NOL4L: variants seen among roughly 807,000 people sequenced by gnomAD.
NOL4L encodes nucleolar protein 4-like.
NOL4L carries 7 observed loss-of-function variants against 64.5 expected under a neutral mutation model. The observed-to-expected ratio is 0.11, with a 90% CI of 0.06 to 0.20. The LOEUF (loss-of-function observed/expected upper bound fraction) is 0.20, where lower values mean the gene tolerates loss of function less well. Among genes scored for constraint, NOL4L ranks in the 10% least tolerant of loss-of-function variants. NOL4L has a pLI of 1.00. For missense variants in NOL4L, 680 were observed against 967.1 expected, an observed-to-expected ratio of 0.70 and a Z score of 3.94; for synonymous variants, 413 against 401.0, an observed-to-expected ratio of 1.03 and a Z score of -0.36.
chr20:32,534,179 A>G (rs1042833949), intron 1 of NOL4L, among the ~76,000 whole-genome samples: 1 of 152,224 alleles, frequency 6.6e-6, no homozygotes, highest in Non-Finnish European at 1.5e-5. Flanking sequence ...GCGGCTAAAT[A>G]GCGGAGACAT....
chr20:32,511,333 G>A lies in NOL4L; in HGVS notation c.699+14C>T. On this transcript the variant is annotated intron_variant, in intron 4 of 10. Transcript: ENST00000621426. ...GACGCCTCCAGGTGGGGTGAGGGGAGACGGCCGCCTTACCTGCTCCTGGGA... is the reference window on the plus strand; with the variant it reads ...GACGCCTCCAGGTGGGGTGAGGGGAAACGGCCGCCTTACCTGCTCCTGGGA... 3.3e-6 allele frequency: 5 copies of A among 1,532,972 alleles called. No homozygotes were observed. The highest frequency in any genetic ancestry group is 3.5e-6 in the Non-Finnish European group (4 of 1,131,668). 95.0% of individuals were successfully genotyped at this position (1,532,972 alleles called of 1,614,324 possible).
chr20:32,552,683 G>A (rs770128198), intron 1 of NOL4L, among the ~76,000 whole-genome samples: 11 of 151,332 alleles, frequency 7.3e-5, no homozygotes, highest in Non-Finnish European at 1.3e-4. Context: ...GAGAGACTCC[G>A]TCTCAAAACA....
At chr20:32,573,445 G>T (rs999535033) in intron 1 of NOL4L, among the ~76,000 whole-genome samples, 1 of 152,022 alleles carries the variant, frequency 6.6e-6, no homozygotes, top group African/African-American at 2.4e-5. Flanking sequence ...AGACCCACTC[G>T]GTGGCACTGC....
chr20:32,488,827 TTTTC>T (rs1175303976), intron 4 of NOL4L, among the ~76,000 whole-genome samples: 620 of 33,058 alleles, frequency 0.019, 13 homozygotes, highest in Non-Finnish European at 0.024. Context: ...CTTTCTTTCT[TTTTC>T]TTTCTTTCTT....
At chr20:32,516,411 C>A (rs1395791231) in intron 3 of NOL4L, among the ~76,000 whole-genome samples, 1 of 152,074 alleles carries the variant, frequency 6.6e-6, no homozygotes, top group Non-Finnish European at 1.5e-5. Flanking sequence ...TCCCCAGGCT[C>A]AGGAAACAAG....
intron 4 of NOL4L, among the ~76,000 whole-genome samples, chr20:32,506,662 CAAAT>C (rs1044730750): frequency 2.0e-5 from 3 of 152,044 alleles, no homozygotes; most frequent in Admixed American, 6.6e-5. Context: ...ACTCCATCTC[CAAAT>C]AAATAAATAA....
At chr20:32,488,809 CTTTCTTTCTTTCTTTCTT>C (rs1475866229) in intron 4 of NOL4L, among the ~76,000 whole-genome samples, 1,310 of 25,366 alleles carry the variant, frequency 0.052, 85 homozygotes, top group Middle Eastern at 0.11. Context: ...CTTTCTTTTT[CTTTCTTTCTTTCTTTCTT>C]TTTCTTTCTT....
At chr20:32,514,122 G>A (rs2017540095) in intron 3 of NOL4L, among the ~76,000 whole-genome samples, 1 of 152,178 alleles carries the variant, frequency 6.6e-6, no homozygotes, top group South Asian at 2.1e-4. Flanking sequence ...AGTTTTACAG[G>A]AATGCAGAAC....
At chr20:32,472,417 G>A (rs2015089611) in intron 5 of NOL4L, among the ~76,000 whole-genome samples, 1 of 152,204 alleles carries the variant, frequency 6.6e-6, no homozygotes, top group African/African-American at 2.4e-5. Context: ...CTCGGGCGGG[G>A]AGTGGAGCAC....
Position 32,447,225 on chromosome 20 carries a change from TGCTCACC to T in NOL4L, c.*364_*370del. On this transcript the variant is annotated 3_prime_UTR_variant, in exon 11 of 11. Transcript: ENST00000621426. ...GCTTTTCTCAATAAATATGCAATTC[TGCTCACC>T]TAAGACTTGAAAGGTAATTATCTGG... 2.0e-6 allele frequency: 1 copy of T among 493,766 alleles called. No individual in the cohort carries two copies. Among genetic ancestry groups the T allele is most frequent in the Non-Finnish European group, 4.0e-6 (1 of 252,322 alleles). The allele number at this position is 493,766 out of a possible 1,614,324, so 30.6% of individuals were successfully genotyped here. A position where few individuals can be genotyped will look rare whatever the true frequency, so the allele number is the denominator to read the frequency against.
chr20:32,482,074 TCA>T (rs2015761804), intron 4 of NOL4L, among the ~76,000 whole-genome samples: 1 of 151,498 alleles, frequency 6.6e-6, no homozygotes, highest in Non-Finnish European at 1.5e-5. Context: ...GAGGAGGAAA[TCA>T]CAGAGTCCAA....
At chr20:32,473,259 G>A (rs945918664) in intron 5 of NOL4L, among the ~76,000 whole-genome samples, 2 of 152,156 alleles carry the variant, frequency 1.3e-5, no homozygotes, top group South Asian at 2.1e-4. Flanking sequence ...TGCAGGCACC[G>A]CCCTCAGTGT....
chr20:32,529,579 G>A (rs1461963458), intron 1 of NOL4L, among the ~76,000 whole-genome samples: 2 of 152,192 alleles, frequency 1.3e-5, no homozygotes, highest in Non-Finnish European at 1.5e-5. Context: ...CACCATGATG[G>A]CCGAACAGCA....
chr20:32,543,583 C>T (rs1197915570), intron 1 of NOL4L, among the ~76,000 whole-genome samples: 1 of 151,418 alleles, frequency 6.6e-6, no homozygotes, highest in Non-Finnish European at 1.5e-5. Flanking sequence ...CGTGCCATTG[C>T]ACTCTAGCCT....
At chr20:32,556,297 G>A (rs1978654898) in intron 1 of NOL4L, among the ~76,000 whole-genome samples, 1 of 151,432 alleles carries the variant, frequency 6.6e-6, no homozygotes, top group Non-Finnish European at 1.5e-5. Flanking sequence ...TTTCCCTGGA[G>A]CCCCTCAGCT....
chr20:32,488,829 T>TC (rs2016296303), intron 4 of NOL4L, among the ~76,000 whole-genome samples: 1 of 39,314 alleles, frequency 2.5e-5, no homozygotes, highest in Non-Finnish European at 4.5e-5. Flanking sequence ...TTCTTTCTTT[T>TC]TCTTTCTTTC....
At chr20:32,461,421 C>CTTTTTTT (rs869282447) in intron 5 of NOL4L, among the ~76,000 whole-genome samples, 4 of 58,344 alleles carry the variant, frequency 6.9e-5, no homozygotes, top group Admixed American at 1.9e-4. Flanking sequence ...CCTTTCTTTT[C>CTTTTTTT]TTTTTTTTTT....
chr20:32,454,422 G>T (rs556705204), intron 6 of NOL4L, among the ~76,000 whole-genome samples: 1 of 150,764 alleles, frequency 6.6e-6, no homozygotes, highest in East Asian at 1.9e-4. Context: ...AGAGGGAACC[G>T]GATCCGGCCT....
At chr20:32,554,630 TG>T (rs1299925436) in intron 1 of NOL4L, among the ~76,000 whole-genome samples, 1 of 152,132 alleles carries the variant, frequency 6.6e-6, no homozygotes, top group Non-Finnish European at 1.5e-5. Flanking sequence ...CACCCTCTCC[TG>T]GGAAACCCCC....
Sources: gnomAD v4.1 joint callset for allele counts (sites outside exome capture counted in the v4.1 genomes callset) on GRCh38, gnomAD v4.1.1 for gene constraint, MANE v1.5 for transcripts, NCBI Gene and HGNC (gene_info 2026-07-23, HGNC 2026-07-21) for gene names.